Variants in FGGY observed in about 807,000 individuals in gnomAD.
FGGY encodes FGGY carbohydrate kinase domain containing, also known as FGGY carbohydrate kinase domain-containing protein.
In FGGY, 72 loss-of-function variants were observed where a neutral mutation model predicts 71.3. The observed-to-expected ratio is 1.01, with a 90% CI of 0.84 to 1.23. The LOEUF (loss-of-function observed/expected upper bound fraction) is 1.23, where lower values mean the gene tolerates loss of function less well. Ranked by LOEUF, FGGY falls within the 50% of genes most tolerant of loss-of-function variation. The probability of loss-of-function intolerance (pLI) is 0.00; values close to 1 mark genes in which losing one functional copy is unlikely to be tolerated. For missense variants in FGGY, 668 were observed against 682.3 expected (o/e 0.98, Z 0.23); for synonymous variants, 251 against 250.3 (o/e 1.00, Z -0.02).
intron 8 of FGGY, among the ~76,000 whole-genome samples, chr1:59,568,314 A>G (rs2095911708): frequency 6.6e-6 from 1 of 152,134 alleles, no homozygotes; most frequent in Non-Finnish European, 1.5e-5. Flanking sequence ...GTGCTCTCTT[A>G]TTCATCTGGC....
intron 11 of FGGY, among the ~76,000 whole-genome samples, chr1:59,657,217 A>G (rs1387311748): frequency 6.6e-6 from 1 of 152,190 alleles, no homozygotes; most frequent in Non-Finnish European, 1.5e-5. Flanking sequence ...CATCTTATAT[A>G]CAAAGTCATA....
chr1:59,462,662 C>T (rs564018969), intron 6 of FGGY, among the ~76,000 whole-genome samples: 1 of 152,186 alleles, frequency 6.6e-6, no homozygotes, highest in Admixed American at 6.5e-5. Flanking sequence ...TGAACAGACA[C>T]TTCTCAAAAG....
chr1:59,322,456 C>T (rs1475122005), intron 2 of FGGY, among the ~76,000 whole-genome samples: 2 of 152,102 alleles, frequency 1.3e-5, no homozygotes, highest in Non-Finnish European at 2.9e-5. Context: ...CAGCGCTTTC[C>T]TCCGAGTTCC....
At chr1:59,316,962 C>T (rs1024489901) in intron 1 of FGGY, among the ~76,000 whole-genome samples, 9 of 152,134 alleles carry the variant, frequency 5.9e-5, no homozygotes, top group Admixed American at 1.3e-4. Context: ...ACCCCAGTTC[C>T]GACTCTCACC....
chr1:59,506,411 G>A (rs899234949), intron 6 of FGGY, among the ~76,000 whole-genome samples: 1 of 151,692 alleles, frequency 6.6e-6, no homozygotes, highest in African/African-American at 2.4e-5. Context: ...AATTTATCTT[G>A]GAGTTCCAAA....
chr1:59,615,913 C>T (rs555276476), intron 9 of FGGY, among the ~76,000 whole-genome samples: 11 of 152,250 alleles, frequency 7.2e-5, no homozygotes, highest in Non-Finnish European at 1.0e-4. Flanking sequence ...TCATCACTGG[C>T]CATCAGAGAA....
At chr1:59,710,775 C>G (rs1440575590) in intron 14 of FGGY, among the ~76,000 whole-genome samples, 5 of 151,814 alleles carry the variant, frequency 3.3e-5, no homozygotes, top group African/African-American at 9.7e-5. Context: ...ATGGTGATCA[C>G]TAAAGTCAGG....
chr1:59,668,042 C>T (rs1471027083), intron 13 of FGGY, among the ~76,000 whole-genome samples: 2 of 152,150 alleles, frequency 1.3e-5, no homozygotes, highest in East Asian at 3.8e-4. Flanking sequence ...ACCCTGAGAT[C>T]CTGTGATTCC....
At chr1:59,413,917 C>T (rs780581443) in intron 5 of FGGY, among the ~76,000 whole-genome samples, 6 of 152,310 alleles carry the variant, frequency 3.9e-5, no homozygotes, top group South Asian at 2.1e-4. Context: ...GCCGAGATTG[C>T]ACCACTGTGC....
At chr1:59,370,480 C>T (rs1167399696) in intron 4 of FGGY, among the ~76,000 whole-genome samples, 1 of 152,200 alleles carries the variant, frequency 6.6e-6, no homozygotes, top group Non-Finnish European at 1.5e-5. Context: ...GAAAAACACT[C>T]TGCAGGATAT....
chr1:59,362,420 A>G lies in FGGY; in HGVS notation c.465+16022A>G, dbSNP rs79027488. On this transcript the variant is annotated intron_variant, in intron 4 of 15. Coordinates refer to ENST00000303721, the MANE Select transcript of FGGY (RefSeq NM_018291.5). The stretch of plus-strand genomic sequence containing the variant: ...ACTGTGTTCACAAAACACTCTCCAC[A>G]CAAGGACTGATGGTGGCTCCCATTC... 2.0e-5 allele frequency among the ~76,000 whole-genome samples: 3 copies of G among 152,298 alleles called. No individual in the cohort carries two copies. The East Asian group carries it at 5.8e-4, about 29-fold the overall frequency.
chr1:59,616,021 C>G (rs1000499542), intron 9 of FGGY, among the ~76,000 whole-genome samples: 1 of 151,958 alleles, frequency 6.6e-6, no homozygotes, highest in African/African-American at 2.4e-5. Flanking sequence ...AATAGGAACA[C>G]TTTTACACTG....
At chr1:59,593,670 A>G (rs955578822) in intron 8 of FGGY, among the ~76,000 whole-genome samples, 2 of 152,218 alleles carry the variant, frequency 1.3e-5, no homozygotes, top group South Asian at 4.1e-4. Flanking sequence ...AGCTGATATT[A>G]TACTAAGAAC....
intron 5 of FGGY, among the ~76,000 whole-genome samples, chr1:59,419,947 T>C (rs1252664336): frequency 6.6e-6 from 1 of 152,182 alleles, no homozygotes; most frequent in African/African-American, 2.4e-5. Context: ...GGCTTTCCAT[T>C]TGTAAGCCTA....
At position 59,444,384 on chromosome 1, in the gene FGGY, G is replaced by C. The variant is rs536589151; in HGVS notation, c.555-12577G>C. Among the ~76,000 whole-genome samples the C allele has an allele frequency of 4.6e-5, 7 of 152,192 alleles. No homozygotes were observed. In the South Asian group the frequency reaches 1.5e-3, roughly 32 times the overall value. On this transcript the variant is annotated intron_variant, in intron 5 of 15. Transcript: ENST00000303721. ...AGATTAATTAGCATATCCATCTCAA[G>C]CCTTTTTCATTTCTTCGTGTTGGGA...
At chr1:59,566,365 T>G (rs74423260) in intron 8 of FGGY, among the ~76,000 whole-genome samples, 193 of 152,338 alleles carry the variant, frequency 1.3e-3, no homozygotes, top group African/African-American at 4.4e-3. Context: ...TCTCCTATTC[T>G]GTTTGTGTGT....
chr1:59,751,055 A>G lies in FGGY; in HGVS notation c.1513-6876A>G, dbSNP rs951377453. Among the ~76,000 whole-genome samples the G allele has an allele frequency of 9.8e-5, 15 of 152,330 alleles. 1 individual carries two copies. The highest frequency in any genetic ancestry group is 5.2e-4 in the Admixed American group (8 of 15,296). On this transcript the variant is annotated intron_variant, in intron 14 of 15. Coordinates refer to ENST00000303721, the MANE Select transcript of FGGY (RefSeq NM_018291.5). Reference sequence around the variant, plus strand: ...GGCACTCAAGAATCAGGCTGTTTTCATGACAGGGAGAATGGTACCACTGAG... The same window carrying G: ...GGCACTCAAGAATCAGGCTGTTTTCGTGACAGGGAGAATGGTACCACTGAG...
At chr1:59,753,467 AATATATATATATAT>A (rs57074120) in intron 14 of FGGY, among the ~76,000 whole-genome samples, 1,852 of 47,882 alleles carry the variant, frequency 0.039, 45 homozygotes, top group Non-Finnish European at 0.047. Flanking sequence ...CATAACTTTA[AATATATATATATAT>A]ATATATATAT....
chr1:59,588,900 G>A (rs935293123), intron 8 of FGGY, among the ~76,000 whole-genome samples: 3 of 152,162 alleles, frequency 2.0e-5, no homozygotes, highest in African/African-American at 7.2e-5. Flanking sequence ...AATATAACCA[G>A]CTAACATCAA....
Sources: gnomAD v4.1 joint callset for allele counts (sites outside exome capture counted in the v4.1 genomes callset) on GRCh38, gnomAD v4.1.1 for gene constraint, MANE v1.5 for transcripts, NCBI Gene and HGNC (gene_info 2026-07-23, HGNC 2026-07-21) for gene names.